CDKAL1: variants seen among roughly 807,000 people sequenced by gnomAD.
The protein encoded by CDKAL1 is threonylcarbamoyladenosine tRNA methylthiotransferase.
In CDKAL1, 32 loss-of-function variants were observed where a neutral mutation model predicts 68.2. The ratio of observed to expected loss-of-function variants is 0.47; its 90% CI spans 0.35 to 0.63. The LOEUF (loss-of-function observed/expected upper bound fraction) is 0.63. Among genes scored for constraint, CDKAL1 ranks in the 30% least tolerant of loss-of-function variants. The probability of loss-of-function intolerance (pLI) is 0.00; values close to 1 mark genes in which losing one functional copy is unlikely to be tolerated. For missense variants in CDKAL1, 606 were observed against 696.7 expected (o/e 0.87, Z 1.47); for synonymous variants, 234 against 244.3 (o/e 0.96, Z 0.39).
At chr6:20,959,015 A>G (rs1764921490) in intron 10 of CDKAL1, among the ~76,000 whole-genome samples, 2 of 152,232 alleles carry the variant, frequency 1.3e-5, no homozygotes, top group South Asian at 2.1e-4. Flanking sequence ...ATTTTATTCA[A>G]TCTCCATAGG....
chr6:20,743,129 T>C (rs1391496181), intron 6 of CDKAL1, among the ~76,000 whole-genome samples: 1 of 152,158 alleles, frequency 6.6e-6, no homozygotes, highest in Non-Finnish European at 1.5e-5. Flanking sequence ...GATGTTTAAA[T>C]TCAGTGACTT....
At chr6:20,921,346 T>C (rs1048506115) in intron 9 of CDKAL1, among the ~76,000 whole-genome samples, 6 of 152,090 alleles carry the variant, frequency 3.9e-5, no homozygotes, top group Non-Finnish European at 8.8e-5. Context: ...GGAGAATCGC[T>C]TGAACCCAGG....
intron 9 of CDKAL1, among the ~76,000 whole-genome samples, chr6:20,944,675 C>T (rs371398517): frequency 8.5e-5 from 13 of 152,314 alleles, no homozygotes; most frequent in East Asian, 3.9e-4. Flanking sequence ...ATCATCAGTA[C>T]GGTCAGAGTC....
chr6:21,203,949 T>C (rs1778795782), intron 15 of CDKAL1, among the ~76,000 whole-genome samples: 1 of 152,046 alleles, frequency 6.6e-6, no homozygotes, highest in East Asian at 1.9e-4. Flanking sequence ...TGGGTGAAGG[T>C]TATATGCACA....
chr6:20,655,462 G>A (rs1768982928), intron 5 of CDKAL1, among the ~76,000 whole-genome samples: 3 of 152,168 alleles, frequency 2.0e-5, no homozygotes, highest in Admixed American at 1.3e-4. Flanking sequence ...ACGTGTACTC[G>A]TCTGTGGCCT....
intron 9 of CDKAL1, among the ~76,000 whole-genome samples, chr6:20,859,562 C>A (rs561616868): frequency 1.7e-4 from 26 of 152,322 alleles, no homozygotes; most frequent in African/African-American, 6.0e-4. Flanking sequence ...TACACTGTGG[C>A]TTCTTCAGCT....
Position 20,581,731 on chromosome 6 carries a change from T to A in CDKAL1, c.286+33026T>A, listed in dbSNP as rs555880627. 3.9e-5 allele frequency among the ~76,000 whole-genome samples: 6 copies of A among 152,302 alleles called. No individual in the cohort carries two copies. The East Asian group carries it at 1.2e-3, about 29-fold the overall frequency. Reference sequence around the variant, plus strand: ...AATCATTAAAATATAATCTCCAGTTTTGGTATGATTTTACGTATCTATAAT... The same window carrying A: ...AATCATTAAAATATAATCTCCAGTTATGGTATGATTTTACGTATCTATAAT... On this transcript the variant is annotated intron_variant, in intron 4 of 15. Coordinates refer to ENST00000274695, the MANE Select transcript of CDKAL1 (RefSeq NM_017774.3).
intron 5 of CDKAL1, among the ~76,000 whole-genome samples, chr6:20,718,710 C>G (rs1772205250): frequency 6.6e-6 from 1 of 152,120 alleles, no homozygotes. Flanking sequence ...TTATGTTTTT[C>G]TTTGCTAATT....
intron 4 of CDKAL1, among the ~76,000 whole-genome samples, chr6:20,599,765 T>C (rs1766000908): frequency 6.6e-6 from 1 of 152,094 alleles, no homozygotes; most frequent in African/African-American, 2.4e-5. Flanking sequence ...TTGATAAAAA[T>C]TTGCATAAAA....
intron 5 of CDKAL1, among the ~76,000 whole-genome samples, chr6:20,687,908 A>C (rs889388899): frequency 4.6e-5 from 7 of 151,868 alleles, no homozygotes; most frequent in Admixed American, 3.9e-4. Flanking sequence ...TGCAAGGTAG[A>C]TCTACTGGCA....
At chr6:21,179,084 T>G (rs1777693590) in intron 13 of CDKAL1, among the ~76,000 whole-genome samples, 1 of 152,262 alleles carries the variant, frequency 6.6e-6, no homozygotes, top group African/African-American at 2.4e-5. Context: ...GCAAGTGACG[T>G]GCTCATTGCA....
rs954988593 is a variant in CDKAL1 at position 20,591,183 on chromosome 6, C to A, written c.286+42478C>A. 2.0e-5 allele frequency among the ~76,000 whole-genome samples: 3 copies of A among 152,080 alleles called. No homozygotes were observed. In the East Asian group the frequency reaches 5.8e-4, roughly 29 times the overall value. Reference sequence around the variant, plus strand: ...TTGAGAAGTGTCCGTTCATATTCTTCGCCCACTTTTTGATGGGGTTATTTT... The same window carrying A: ...TTGAGAAGTGTCCGTTCATATTCTTAGCCCACTTTTTGATGGGGTTATTTT... On this transcript the variant is annotated intron_variant, in intron 4 of 15. Transcript: ENST00000274695.
intron 9 of CDKAL1, among the ~76,000 whole-genome samples, chr6:20,940,257 T>G (rs1337506234): frequency 6.6e-6 from 1 of 152,160 alleles, no homozygotes; most frequent in Non-Finnish European, 1.5e-5. Flanking sequence ...TATCTATCAA[T>G]CATATCACTT....
intron 8 of CDKAL1, among the ~76,000 whole-genome samples, chr6:20,836,215 C>T (rs932310878): frequency 3.9e-5 from 6 of 152,110 alleles, no homozygotes; most frequent in African/African-American, 1.2e-4. Flanking sequence ...AGAAAAGCAT[C>T]GAAGTAAATC....
intron 8 of CDKAL1, among the ~76,000 whole-genome samples, chr6:20,838,076 A>G (rs989881868): frequency 6.6e-6 from 1 of 151,734 alleles, no homozygotes; most frequent in Non-Finnish European, 1.5e-5. Flanking sequence ...ATTTTTATAG[A>G]TGTATACATC....
At chr6:20,793,400 C>T (rs1775981104) in intron 8 of CDKAL1, among the ~76,000 whole-genome samples, 1 of 152,126 alleles carries the variant, frequency 6.6e-6, no homozygotes, top group African/African-American at 2.4e-5. Context: ...AAAGAGATGT[C>T]AAATGCCCAT....
intron 4 of CDKAL1, among the ~76,000 whole-genome samples, chr6:20,567,079 C>T (rs1181294069): frequency 1.3e-5 from 2 of 151,870 alleles, no homozygotes; most frequent in Non-Finnish European, 2.9e-5. Flanking sequence ...ATTGTTGCCT[C>T]CCCATTTTTG....
At chr6:20,578,144 T>C (rs1764988956) in intron 4 of CDKAL1, among the ~76,000 whole-genome samples, 1 of 152,218 alleles carries the variant, frequency 6.6e-6, no homozygotes, top group African/African-American at 2.4e-5. Context: ...TTACAAAAAA[T>C]CGATACTGAT....
chr6:21,091,862 T>C (rs1474219324), intron 12 of CDKAL1, among the ~76,000 whole-genome samples: 189 of 2,378 alleles, frequency 0.079, no homozygotes, highest in Non-Finnish European at 0.1. Context: ...ACTTTCTTTT[T>C]TTTTTTTTTT....
Sources: gnomAD v4.1 joint callset for allele counts (sites outside exome capture counted in the v4.1 genomes callset) on GRCh38, gnomAD v4.1.1 for gene constraint, MANE v1.5 for transcripts, NCBI Gene and HGNC (gene_info 2026-07-23, HGNC 2026-07-21) for gene names.